Variants in HDAC9 observed in about 807,000 individuals in gnomAD.
HDAC9 encodes MEF-2 interacting transcription repressor (MITR) protein.
HDAC9 carries 41 observed loss-of-function variants against 139.4 expected under a neutral mutation model. The ratio of observed to expected loss-of-function variants is 0.29; its 90% CI spans 0.23 to 0.38. The LOEUF is 0.38. Among genes scored for constraint, HDAC9 ranks in the 10% least tolerant of loss-of-function variants. The pLI is 1.00. For missense variants in HDAC9, 1,147 were observed against 1,297.0 expected (o/e 0.88, Z 1.78); for synonymous variants, 517 against 476.2 (o/e 1.09, Z -1.12).
chr7:18,291,584 G>C lies in HDAC9; in HGVS notation c.-42+1069G>C, dbSNP rs140755430. 2.0e-4 allele frequency among the ~76,000 whole-genome samples: 31 copies of C among 152,122 alleles called. No homozygotes were observed. The East Asian group carries it at 5.8e-3, about 29-fold the overall frequency. On this transcript the variant is annotated intron_variant, in intron 1 of 3. Coordinates refer to the HDAC9 transcript ENST00000413509. The stretch of plus-strand genomic sequence containing the variant: ...GGTAGGGTTGTGATTTGTCCAAGCA[G>C]AAAGCCAAAGGTTGTATCTGAGCAT...
intron 2 of HDAC9, among the ~76,000 whole-genome samples, chr7:18,266,013 TTA>T (rs1470155711): frequency 3.3e-5 from 5 of 152,196 alleles, no homozygotes; most frequent in Non-Finnish European, 7.4e-5. Flanking sequence ...TTTAATACTC[TTA>T]TTACATTAAA....
chr7:18,924,285 A>G (rs1021944309), intron 22 of HDAC9, among the ~76,000 whole-genome samples: 6 of 152,086 alleles, frequency 3.9e-5, no homozygotes, highest in Non-Finnish European at 5.9e-5. Context: ...CAAATGTATA[A>G]TAGAAGCTTA....
In HDAC9 at chr7:18,954,140, T is replaced by C. The variant is rs1782990660; in HGVS notation, c.2938-6T>C. 1 of 1,547,508 alleles carries C rather than the reference T, an allele frequency of 6.5e-7. No homozygotes were observed. The highest frequency in any genetic ancestry group is 8.8e-7 in the Non-Finnish European group (1 of 1,136,594). ...CTGCTCATACTATTATCTACTATTC[T>C]TGCAGCTGGAGCCACTTGCAGAAGA... On this transcript the variant is annotated splice_region_variant and splice_polypyrimidine_tract_variant and intron_variant, in intron 23 of 25. Transcript: ENST00000686413.
chr7:18,385,871 A>G (rs1036426895), intron 1 of HDAC9, among the ~76,000 whole-genome samples: 3 of 152,080 alleles, frequency 2.0e-5, no homozygotes, highest in African/African-American at 7.2e-5. Flanking sequence ...AGAGTGGACG[A>G]TATTTAATTT....
chr7:18,305,853 A>G (rs1324543854), intron 1 of HDAC9, among the ~76,000 whole-genome samples: 1 of 151,922 alleles, frequency 6.6e-6, no homozygotes, highest in Non-Finnish European at 1.5e-5. Context: ...GTGAACTTGG[A>G]ATGGGTTGGT....
chr7:18,357,803 C>T, intron 1 of HDAC9, among the ~76,000 whole-genome samples: 1 of 152,052 alleles, frequency 6.6e-6, no homozygotes, highest in East Asian at 1.9e-4. Flanking sequence ...ACTAGTGTCT[C>T]AGTGTTTCAC....
Position 18,446,464 on chromosome 7 carries a change from T to G in HDAC9, c.-41-49798T>G, listed in dbSNP as rs1269035281. 3.3e-5 allele frequency among the ~76,000 whole-genome samples: 5 copies of G among 152,310 alleles called. No individual in the cohort carries two copies. The East Asian group carries it at 9.6e-4, about 29-fold the overall frequency. On this transcript the variant is annotated intron_variant, in intron 1 of 3. Transcript: ENST00000413509. ...TAGGGATACACTTTTGAGTTGAATC[T>G]TTTCCTTTTTGCTAATGCTGCTTCT...
At chr7:18,207,808 G>T (rs189442429) in intron 2 of HDAC9, among the ~76,000 whole-genome samples, 1 of 151,720 alleles carries the variant, frequency 6.6e-6, no homozygotes, top group Non-Finnish European at 1.5e-5. Flanking sequence ...TCCGCCTCCC[G>T]GGTTCAAGCA....
At chr7:18,443,568 TATAAC>T (rs1310600191) in intron 1 of HDAC9, among the ~76,000 whole-genome samples, 5 of 152,184 alleles carry the variant, frequency 3.3e-5, no homozygotes, top group Non-Finnish European at 5.9e-5. Context: ...GTTATGCTCT[TATAAC>T]AGTGAGGAGA....
intron 6 of HDAC9, among the ~76,000 whole-genome samples, chr7:18,621,495 CA>C (rs1470531006): frequency 6.6e-6 from 1 of 151,862 alleles, no homozygotes. Context: ...GGTATATTTG[CA>C]ATAAGAGAAT....
intron 2 of HDAC9, among the ~76,000 whole-genome samples, chr7:18,563,318 C>G (rs754993083): frequency 2.0e-5 from 3 of 152,068 alleles, no homozygotes; most frequent in Non-Finnish European, 4.4e-5. Context: ...GAAAATGTCT[C>G]TCAAAGTCAT....
intron 2 of HDAC9, among the ~76,000 whole-genome samples, chr7:18,497,170 A>G (rs900876903): frequency 6.6e-6 from 1 of 152,116 alleles, no homozygotes; most frequent in African/African-American, 2.4e-5. Flanking sequence ...TCCTATGGCT[A>G]TTTCCTAAAG....
chr7:18,998,957 A>G lies in HDAC9; in HGVS notation c.*2895A>G, dbSNP rs1563122460. ...GGCTGTATATTAAACTAAAAAACAC[A>G]GACAGTTTTATTAAATAGTAACCAA... On this transcript the variant is annotated 3_prime_UTR_variant, in exon 26 of 26. Transcript: ENST00000686413. 1 of 152,186 alleles carries G rather than the reference A, an allele frequency of 6.6e-6. No homozygotes were observed. Among genetic ancestry groups the G allele is most frequent in the African/African-American group, 2.4e-5 (1 of 41,434 alleles). The allele number at this position is 152,186 out of a possible 1,614,324, so 9.4% of individuals were successfully genotyped here.
At chr7:18,361,180 T>C (rs1330965361) in intron 1 of HDAC9, among the ~76,000 whole-genome samples, 2 of 152,146 alleles carry the variant, frequency 1.3e-5, no homozygotes, top group African/African-American at 2.4e-5. Flanking sequence ...TACTAAGATA[T>C]TGAAAGTTGG....
chr7:18,376,754 A>G (rs1785022049), intron 1 of HDAC9, among the ~76,000 whole-genome samples: 1 of 152,074 alleles, frequency 6.6e-6, no homozygotes, highest in Non-Finnish European at 1.5e-5. Flanking sequence ...CTTCTACTTT[A>G]TGGTCACTTT....
At chr7:18,914,386 A>C (rs949005023) in intron 22 of HDAC9, among the ~76,000 whole-genome samples, 2 of 151,892 alleles carry the variant, frequency 1.3e-5, no homozygotes, top group African/African-American at 4.8e-5. Flanking sequence ...TAACTAGCAC[A>C]GCTGAGACAA....
intron 1 of HDAC9, among the ~76,000 whole-genome samples, chr7:18,401,277 A>G (rs1018280297): frequency 2.6e-5 from 4 of 152,174 alleles, no homozygotes; most frequent in Admixed American, 1.3e-4. Flanking sequence ...ACTCAAGGAA[A>G]GGTCAGCTCC....
intron 1 of HDAC9, among the ~76,000 whole-genome samples, chr7:18,449,730 T>C (rs1405795469): frequency 6.6e-6 from 1 of 152,162 alleles, no homozygotes; most frequent in African/African-American, 2.4e-5. Flanking sequence ...TACTGAAAAT[T>C]TTATTAAAGA....
At chr7:18,578,177 C>G (rs548456841) in intron 2 of HDAC9, 1 of 518,848 alleles carries the variant, frequency 1.9e-6, no homozygotes, top group Non-Finnish European at 3.8e-6. Context: ...GGTGAGTGAC[C>G]TCCACAAACT....
Sources: allele counts gnomAD v4.1 joint callset (sites outside exome capture counted in the v4.1 genomes callset), GRCh38; gene constraint gnomAD v4.1.1; transcripts MANE v1.5; gene names NCBI Gene and HGNC (gene_info 2026-07-23, HGNC 2026-07-21).